Variants in RIMS1 observed in about 807,000 individuals in gnomAD.
RIMS1 encodes regulating synaptic membrane exocytosis protein 1.
In RIMS1, 83 loss-of-function variants were observed where a neutral mutation model predicts 214.1. That is an observed-to-expected ratio of 0.39 (90% CI 0.32 to 0.47). RIMS1 has a LOEUF of 0.47. Ranked by LOEUF, RIMS1 falls within the 20% of genes least tolerant of loss-of-function variation. The pLI is 0.99. For missense variants in RIMS1, 2,050 were observed against 2,161.8 expected (o/e 0.95, Z 1.03); for synonymous variants, 793 against 786.8 (o/e 1.01, Z -0.13).
At chr6:71,935,597 T>C (rs1267115224) in intron 1 of RIMS1, among the ~76,000 whole-genome samples, 1 of 152,196 alleles carries the variant, frequency 6.6e-6, no homozygotes, top group African/African-American at 2.4e-5. Flanking sequence ...TTTATAAATA[T>C]TTTCCCTCTG....
intron 2 of RIMS1, among the ~76,000 whole-genome samples, chr6:72,063,985 C>G (rs1828597449): frequency 6.6e-6 from 1 of 152,112 alleles, no homozygotes; most frequent in South Asian, 2.1e-4. Context: ...CTGTCCTAAT[C>G]TCCTTTTATA....
intron 11 of RIMS1, among the ~76,000 whole-genome samples, chr6:72,246,253 T>C (rs1462604307): frequency 2.6e-5 from 4 of 152,178 alleles, no homozygotes; most frequent in African/African-American, 9.6e-5. Context: ...GGTAGACACT[T>C]TAACAAATAA....
intron 4 of RIMS1, among the ~76,000 whole-genome samples, chr6:72,101,405 C>T (rs2153809605): frequency 6.6e-6 from 1 of 152,054 alleles, no homozygotes; most frequent in Middle Eastern, 3.4e-3. Context: ...ACCATTTTAG[C>T]TTATTGAAGG....
chr6:72,352,360 T>C (rs1301690004), intron 29 of RIMS1, among the ~76,000 whole-genome samples: 9 of 152,166 alleles, frequency 5.9e-5, no homozygotes, highest in Admixed American at 5.9e-4. Flanking sequence ...CATCATTTTA[T>C]TTAGATAAGG....
intron 19 of RIMS1, chr6:72,261,879 A>ACT: frequency 1.0e-6 from 1 of 985,232 alleles, no homozygotes; most frequent in Non-Finnish European, 1.2e-6. Context: ...GCTGAGAAAA[A>ACT]AATGTAAAAT....
At chr6:72,095,138 T>G (rs35633835) in intron 2 of RIMS1, among the ~76,000 whole-genome samples, 3 of 135,684 alleles carry the variant, frequency 2.2e-5, no homozygotes, top group African/African-American at 5.6e-5. Flanking sequence ...TTTTTTTTTG[T>G]ATTTTTAGTA....
At chr6:71,968,937 C>A in intron 1 of RIMS1, 46 bp from the exon 2 acceptor site, 2 of 1,536,190 alleles carry the variant, frequency 1.3e-6, no homozygotes, top group South Asian at 2.2e-5. Flanking sequence ...GTGTTCTACC[C>A]TTTTTATAAT....
rs1310408987 is a variant in RIMS1 at position 72,158,513 on chromosome 6, C to G, written c.472-21062C>G. ...CATGTTGGTGTGCTGCACCCATTAACTCGTCATTTAACATTAGGTATATCT... is the reference window on the plus strand; with the variant it reads ...CATGTTGGTGTGCTGCACCCATTAAGTCGTCATTTAACATTAGGTATATCT... On this transcript the variant is annotated intron_variant, in intron 4 of 33. Coordinates refer to ENST00000521978, the MANE Select transcript of RIMS1 (RefSeq NM_014989.7). 1.5e-5 allele frequency among the ~76,000 whole-genome samples: 2 copies of G among 137,182 alleles called. 1 individual carries two copies. Among genetic ancestry groups the G allele is most frequent in the Non-Finnish European group, 3.3e-5 (2 of 60,506 alleles). 90.0% of individuals were successfully genotyped at this position (137,182 alleles called of 152,430 possible).
intron 2 of RIMS1, among the ~76,000 whole-genome samples, chr6:72,054,366 A>G (rs573671358): frequency 1.5e-4 from 23 of 152,008 alleles, no homozygotes; most frequent in Non-Finnish European, 2.4e-4. Flanking sequence ...TTTGTATTGT[A>G]AACAGTGCTG....
intron 19 of RIMS1, 195 bp downstream of exon 19, chr6:72,260,962 G>A (rs866606860): frequency 7.3e-7 from 1 of 1,376,306 alleles, no homozygotes; most frequent in Non-Finnish European, 9.5e-7. Context: ...CAGGCTGACT[G>A]CTTTGCCATC....
intron 4 of RIMS1, among the ~76,000 whole-genome samples, chr6:72,158,800 G>C (rs1374780907): frequency 7.2e-6 from 1 of 139,792 alleles, no homozygotes; most frequent in African/African-American, 2.5e-5. Context: ...TCTTAATCCA[G>C]TCTATCATTG....
At chr6:72,374,668 G>A (rs2098325483) in intron 29 of RIMS1, among the ~76,000 whole-genome samples, 1 of 152,190 alleles carries the variant, frequency 6.6e-6, no homozygotes, top group Admixed American at 6.5e-5. Flanking sequence ...CAAAACCAGG[G>A]ACCAGTTTTG....
At chr6:72,212,986 CTGT>C (rs1197274579) in intron 6 of RIMS1, 5 of 1,425,564 alleles carry the variant, frequency 3.5e-6, no homozygotes, top group Admixed American at 2.8e-5. Flanking sequence ...TCTGCTGGTC[CTGT>C]TGTTCAATGA....
At chr6:72,005,466 A>C (rs1807138739) in intron 2 of RIMS1, among the ~76,000 whole-genome samples, 1 of 152,224 alleles carries the variant, frequency 6.6e-6, no homozygotes, top group East Asian at 1.9e-4. Context: ...GAACTAATAC[A>C]GAGCTGATCA....
In RIMS1 at chr6:72,263,730, G is replaced by A. The variant is rs535792331; in HGVS notation, c.3117-1245G>A. ...ACTTGTACTTAATAAGGAGGAAGCT[G>A]AAGCGGGCAGATCACTTGAGGTCAG... On this transcript the variant is annotated intron_variant, in intron 19 of 33. Coordinates refer to ENST00000521978, the MANE Select transcript of RIMS1 (RefSeq NM_014989.7). 8.5e-5 allele frequency: 84 copies of A among 985,156 alleles called. No individual in the cohort carries two copies. The African/African-American group carries it at 1.3e-3, about 16-fold the overall frequency. The allele number at this position is 985,156 out of a possible 1,614,324, so 61.0% of individuals were successfully genotyped here. A position where few individuals can be genotyped will look rare whatever the true frequency, so the allele number is the denominator to read the frequency against.
chr6:72,249,424 A>G (rs1008778680), intron 12 of RIMS1, among the ~76,000 whole-genome samples: 5 of 152,124 alleles, frequency 3.3e-5, no homozygotes, highest in African/African-American at 1.2e-4. Flanking sequence ...TAGTTTGAAG[A>G]TGTCATTTGT....
chr6:71,906,597 C>G (rs1029407929), intron 1 of RIMS1, among the ~76,000 whole-genome samples: 1 of 152,120 alleles, frequency 6.6e-6, no homozygotes, highest in Non-Finnish European at 1.5e-5. Context: ...CTAATGTAAA[C>G]TCTTACCACT....
chr6:72,366,791 T>A, intron 29 of RIMS1: 1 of 985,738 alleles, frequency 1.0e-6, no homozygotes, highest in Non-Finnish European at 1.2e-6. Context: ...TTAAACCAGG[T>A]CAAAGCTTCT....
intron 6 of RIMS1, among the ~76,000 whole-genome samples, chr6:72,201,091 G>A (rs1589025796): frequency 6.6e-6 from 1 of 152,026 alleles, no homozygotes; most frequent in African/African-American, 2.4e-5. Context: ...AATTAAGTTG[G>A]TAAATCTAAC....
Sources: allele counts gnomAD v4.1 joint callset (sites outside exome capture counted in the v4.1 genomes callset), GRCh38; gene constraint gnomAD v4.1.1; transcripts MANE v1.5; gene names NCBI Gene and HGNC (gene_info 2026-07-23, HGNC 2026-07-21).